Variants in CDYL2 observed in about 807,000 individuals in gnomAD.
CDYL2 encodes chromodomain Y like 2, also known as chromodomain Y-like protein 2.
In CDYL2, 23 loss-of-function variants were observed where a neutral mutation model predicts 49.4. That is an observed-to-expected ratio of 0.47 (90% CI 0.34 to 0.66). CDYL2 has a LOEUF of 0.66. Among genes scored for constraint, CDYL2 ranks in the 30% least tolerant of loss-of-function variants. The pLI is 0.01. For synonymous variants in CDYL2, 360 were observed against 268.8 expected (o/e 1.34, Z -3.32); for missense variants, 678 against 656.4 (o/e 1.03, Z -0.36).
At chr16:80,755,600 A>C (rs1906283990) in intron 1 of CDYL2, among the ~76,000 whole-genome samples, 1 of 152,234 alleles carries the variant, frequency 6.6e-6, no homozygotes, top group South Asian at 2.1e-4. Context: ...CCAAGCAAAC[A>C]TTTGAGATAC....
intron 2 of CDYL2, among the ~76,000 whole-genome samples, chr16:80,672,264 C>G (rs1909541778): frequency 6.6e-6 from 1 of 151,398 alleles, no homozygotes; most frequent in African/African-American, 2.4e-5. Context: ...CGGAAACAGA[C>G]ATACGCTATA....
intron 2 of CDYL2, among the ~76,000 whole-genome samples, chr16:80,661,653 G>A (rs1909049457): frequency 6.6e-6 from 1 of 152,132 alleles, no homozygotes; most frequent in Non-Finnish European, 1.5e-5. Context: ...CCCTCTTCAT[G>A]GTGTTGGCTC....
intron 1 of CDYL2, among the ~76,000 whole-genome samples, chr16:80,737,060 T>C (rs1012049218): frequency 1.3e-5 from 2 of 152,170 alleles, no homozygotes; most frequent in African/African-American, 4.8e-5. Flanking sequence ...GGAAAGAGAA[T>C]TTGCTTCATG....
chr16:80,709,018 C>G (rs975562455), intron 1 of CDYL2, among the ~76,000 whole-genome samples: 1 of 152,306 alleles, frequency 6.6e-6, no homozygotes, highest in East Asian at 1.9e-4. Flanking sequence ...TGAACAGAAG[C>G]GTAAGGCGCC....
chr16:80,735,268 G>A (rs1277409962), intron 1 of CDYL2: 1 of 152,128 alleles, frequency 6.6e-6, no homozygotes, highest in Non-Finnish European at 1.5e-5. Context: ...AAGCCACAAA[G>A]AAAATTCATA....
At chr16:80,733,174 G>C (rs1016922981) in intron 1 of CDYL2, among the ~76,000 whole-genome samples, 18 of 152,184 alleles carry the variant, frequency 1.2e-4, no homozygotes, top group Non-Finnish European at 2.6e-4. Context: ...GAAGTATAGA[G>C]TTAGGAGGAG....
Position 80,603,359 on chromosome 16 carries a change from T to C in CDYL2, c.*1029A>G, listed in dbSNP as rs1906180707. On this transcript the variant is annotated 3_prime_UTR_variant, in exon 7 of 7. Transcript: ENST00000570137. ...GGGTCTGTTTCAGGATCATTCAGGC[T>C]AAGAGGGCCCTTTAACTCCTTAAAG... 6.6e-6 allele frequency: 1 copy of C among 152,180 alleles called. No individual in the cohort carries two copies. The highest frequency in any genetic ancestry group is 6.5e-5 in the Admixed American group (1 of 15,282). The allele number at this position is 152,180 out of a possible 1,614,324, so 9.4% of individuals were successfully genotyped here.
chr16:80,630,547 A>T (rs1029695178), intron 3 of CDYL2, among the ~76,000 whole-genome samples: 6 of 152,176 alleles, frequency 3.9e-5, no homozygotes, highest in African/African-American at 1.4e-4. Flanking sequence ...TAAACATATG[A>T]AGAGCTGCTT....
intron 1 of CDYL2, among the ~76,000 whole-genome samples, chr16:80,782,578 T>G (rs1429363854): frequency 1.9e-5 from 2 of 102,890 alleles, no homozygotes; most frequent in South Asian, 6.4e-4. Context: ...CCTGACAATA[T>G]AGATGCAAAA....
chr16:80,773,990 T>C (rs920519846), intron 1 of CDYL2, among the ~76,000 whole-genome samples: 1 of 152,122 alleles, frequency 6.6e-6, no homozygotes, highest in Non-Finnish European at 1.5e-5. Context: ...ACAACCTTTA[T>C]GTATATGGGA....
At chr16:80,772,999 A>G (rs913229848) in intron 1 of CDYL2, among the ~76,000 whole-genome samples, 6 of 152,224 alleles carry the variant, frequency 3.9e-5, no homozygotes, top group Non-Finnish European at 7.3e-5. Context: ...TAAATATTCC[A>G]ATTAAAACAT....
At chr16:80,624,353 C>T (rs751472171) in intron 3 of CDYL2, among the ~76,000 whole-genome samples, 1 of 152,206 alleles carries the variant, frequency 6.6e-6, no homozygotes, top group Non-Finnish European at 1.5e-5. Context: ...GAAGCTAAAA[C>T]TCCATACCTG....
intron 2 of CDYL2, among the ~76,000 whole-genome samples, chr16:80,638,479 T>C (rs1907939166): frequency 1.3e-5 from 2 of 152,196 alleles, no homozygotes; most frequent in Admixed American, 1.3e-4. Flanking sequence ...ATTGGCAAAC[T>C]GATTCTAAAC....
At chr16:80,801,653 A>G (rs1907931421) in intron 1 of CDYL2, among the ~76,000 whole-genome samples, 1 of 152,254 alleles carries the variant, frequency 6.6e-6, no homozygotes, top group South Asian at 2.1e-4. Context: ...TGAAAGTAAT[A>G]AACAGGTCTC....
At chr16:80,786,712 C>T (rs1046123820) in intron 1 of CDYL2, among the ~76,000 whole-genome samples, 1 of 152,118 alleles carries the variant, frequency 6.6e-6, no homozygotes, top group African/African-American at 2.4e-5. Context: ...AAATGTGGCA[C>T]ATATACACCA....
intron 2 of CDYL2, among the ~76,000 whole-genome samples, chr16:80,640,305 C>T (rs547691205): frequency 1.2e-3 from 181 of 152,258 alleles, no homozygotes; most frequent in African/African-American, 4.2e-3. Flanking sequence ...GGGCACTGGT[C>T]AGAGTCATGA....
intron 2 of CDYL2, among the ~76,000 whole-genome samples, chr16:80,663,614 CAG>C (rs1909139600): frequency 6.6e-6 from 1 of 151,876 alleles, no homozygotes; most frequent in South Asian, 2.1e-4. Flanking sequence ...TCTTTTGAGA[CAG>C]AGTTTCATTC....
chr16:80,604,277 C>T lies in CDYL2; in HGVS notation c.*111G>A, dbSNP rs1906229529. On this transcript the variant is annotated 3_prime_UTR_variant, in exon 7 of 7. Coordinates refer to ENST00000570137, the MANE Select transcript of CDYL2 (RefSeq NM_152342.4). ...AGGACACGAGGAAATGGACACAACC[C>T]TACGTATAAAGAGACACCTTGACAA... is the stretch of plus-strand genomic sequence containing the variant. 1.7e-6 allele frequency: 2 copies of T among 1,187,126 alleles called. No individual in the cohort carries two copies. Among genetic ancestry groups the T allele is most frequent in the Non-Finnish European group, 2.4e-6 (2 of 824,430 alleles). 73.5% of individuals were successfully genotyped at this position (1,187,126 alleles called of 1,614,324 possible). A position where few individuals can be genotyped will look rare whatever the true frequency, so the allele number is the denominator to read the frequency against.
At chr16:80,669,821 A>G (rs1181909199) in intron 2 of CDYL2, among the ~76,000 whole-genome samples, 2 of 152,176 alleles carry the variant, frequency 1.3e-5, no homozygotes, top group Non-Finnish European at 1.5e-5. Flanking sequence ...TTCTGCACAC[A>G]TGGGCTGTGG....
Sources: gnomAD v4.1 joint callset for allele counts (sites outside exome capture counted in the v4.1 genomes callset) on GRCh38, gnomAD v4.1.1 for gene constraint, MANE v1.5 for transcripts, NCBI Gene and HGNC (gene_info 2026-07-23, HGNC 2026-07-21) for gene names.